Variants in DCHS2 observed in about 807,000 individuals in gnomAD.
The protein encoded by DCHS2 is protocadherin-23.
DCHS2 carries 142 observed loss-of-function variants against 182.4 expected under a neutral mutation model. The observed-to-expected ratio is 0.78, with a 90% CI of 0.68 to 0.89. The LOEUF is 0.89. Ranked by LOEUF, DCHS2 falls within the 40% of genes least tolerant of loss-of-function variation. The probability of loss-of-function intolerance (pLI) is 0.00; values close to 1 mark genes in which losing one functional copy is unlikely to be tolerated. For synonymous variants in DCHS2, 1,740 were observed against 1,663.3 expected (o/e 1.05, Z -1.12); for missense variants, 4,319 against 4,198.6 (o/e 1.03, Z -0.79).
At chr4:154,381,677 C>T (rs1399185737) in intron 1 of DCHS2, among the ~76,000 whole-genome samples, 1 of 152,026 alleles carries the variant, frequency 6.6e-6, no homozygotes, top group Non-Finnish European at 1.5e-5. Context: ...AACACAATCC[C>T]ATTTACAATA....
intron 14 of DCHS2, among the ~76,000 whole-genome samples, chr4:154,263,895 T>C (rs1250936730): frequency 6.6e-6 from 1 of 151,622 alleles, no homozygotes; most frequent in Middle Eastern, 3.2e-3. Flanking sequence ...AGAAAGAGAC[T>C]ACAACTTCTA....
rs1422770065 is a variant in DCHS2, at chr4:154,491,004, C to T, written c.352G>A (p.Val118Met). 3.3e-5 allele frequency: 51 copies of T among 1,550,468 alleles called. No homozygotes were observed. The highest frequency in any genetic ancestry group is 4.2e-5 in the Non-Finnish European group (48 of 1,146,404). The change falls in exon 1 of 20, where the codon GTG becomes ATG. Residue 118 changes from valine to methionine, a missense_variant. Val to Met is a conservative substitution (Grantham distance 21). Coordinates refer to ENST00000357232, the MANE Select transcript of DCHS2 (RefSeq NM_001358235.2). Reference sequence around the variant, plus strand: ...CGGATGATGCCGGTGTCCGGGTGCACGTGGAAGTCGTCCAGCAGCGGGGAG... The same window carrying T: ...CGGATGATGCCGGTGTCCGGGTGCATGTGGAAGTCGTCCAGCAGCGGGGAG... The part of the protein sequence containing the change: ...DDSPLLDDFH[V>M]HPDTGIIRTA...
intron 1 of DCHS2, among the ~76,000 whole-genome samples, chr4:154,477,746 A>C (rs1735746209): frequency 6.6e-6 from 1 of 152,208 alleles, no homozygotes; most frequent in African/African-American, 2.4e-5. Context: ...TAGCAAAATA[A>C]ATTTCCACTT....
chr4:154,402,622 G>C (rs1184117096), intron 1 of DCHS2, among the ~76,000 whole-genome samples: 1 of 152,208 alleles, frequency 6.6e-6, no homozygotes, highest in Non-Finnish European at 1.5e-5. Context: ...GGTGAATGAG[G>C]AGCAAAGTCC....
At chr4:154,450,147 G>A (rs1579094151) in intron 1 of DCHS2, among the ~76,000 whole-genome samples, 1 of 152,334 alleles carries the variant, frequency 6.6e-6, no homozygotes, top group East Asian at 1.9e-4. Context: ...AGGTTGCTGA[G>A]AATCCAAAGA....
At chr4:154,335,837 A>G (rs1167117772) in intron 3 of DCHS2, among the ~76,000 whole-genome samples, 1 of 152,250 alleles carries the variant, frequency 6.6e-6, no homozygotes, top group African/African-American at 2.4e-5. Context: ...TTTTAGAAGT[A>G]TATAAAGTCA....
rs1733921013 is a variant in DCHS2 at position 154,439,702 on chromosome 4, T to C, written c.2052+49602A>G. Among the ~76,000 whole-genome samples the C allele has an allele frequency of 2.0e-5, 3 of 152,344 alleles. No individual in the cohort carries two copies. In the South Asian group the frequency reaches 6.2e-4, roughly 32 times the overall value. On this transcript the variant is annotated intron_variant, in intron 1 of 19. Coordinates refer to ENST00000357232, the MANE Select transcript of DCHS2 (RefSeq NM_001358235.2). Reference sequence around the variant, plus strand: ...CCTTGTCAACAGAATTTTTTCATTTTATATAGTTAAATCTGAGCTTTACAA... The same window carrying C: ...CCTTGTCAACAGAATTTTTTCATTTCATATAGTTAAATCTGAGCTTTACAA...
intron 13 of DCHS2, among the ~76,000 whole-genome samples, chr4:154,273,888 G>C (rs1178814189): frequency 6.6e-6 from 1 of 152,110 alleles, no homozygotes; most frequent in Non-Finnish European, 1.5e-5. Flanking sequence ...AGGGAGTAAG[G>C]CTATAGGAGT....
intron 13 of DCHS2, among the ~76,000 whole-genome samples, chr4:154,270,640 C>T (rs989851116): frequency 1.3e-5 from 2 of 151,618 alleles, no homozygotes; most frequent in Non-Finnish European, 2.9e-5. Flanking sequence ...ATACTAAGTG[C>T]TGTGAGAACA....
At chr4:154,373,301 A>C (rs1225037726) in intron 2 of DCHS2, among the ~76,000 whole-genome samples, 1 of 152,212 alleles carries the variant, frequency 6.6e-6, no homozygotes, top group Admixed American at 6.5e-5. Context: ...AATATTGCAA[A>C]GAATAATTAT....
chr4:154,395,863 G>A (rs551333887), intron 1 of DCHS2, among the ~76,000 whole-genome samples: 2 of 152,268 alleles, frequency 1.3e-5, no homozygotes, highest in South Asian at 2.1e-4. Flanking sequence ...GTAAGAAGAG[G>A]GAAGAAAACA....
intron 1 of DCHS2, among the ~76,000 whole-genome samples, chr4:154,432,660 T>G (rs1239919013): frequency 6.7e-6 from 1 of 148,962 alleles, no homozygotes; most frequent in African/African-American, 2.5e-5. Context: ...AAAAAAAAGA[T>G]GAGAAAAAGA....
intron 3 of DCHS2, among the ~76,000 whole-genome samples, chr4:154,348,352 A>C (rs928948846): frequency 2.6e-5 from 4 of 152,018 alleles, no homozygotes; most frequent in Non-Finnish European, 5.9e-5. Context: ...TGGTCCTCAC[A>C]GTTGCGGGAG....
chr4:154,445,660 A>T (rs372224181), intron 1 of DCHS2, among the ~76,000 whole-genome samples: 4 of 151,990 alleles, frequency 2.6e-5, no homozygotes, highest in African/African-American at 9.7e-5. Context: ...AATAGAAAAT[A>T]ATTAGCTGGC....
chr4:154,335,183 T>C, intron 3 of DCHS2, 79 bp from the exon 4 acceptor site: 1 of 928,096 alleles, frequency 1.1e-6, no homozygotes, highest in Non-Finnish European at 1.8e-6. Flanking sequence ...CCTGGTCTAT[T>C]AAGTGTATTG....
At chr4:154,427,778 CCTCCCGTCAGAGAGACCTGGGG>C (rs1215185737) in intron 1 of DCHS2, among the ~76,000 whole-genome samples, 1 of 152,062 alleles carries the variant, frequency 6.6e-6, no homozygotes, top group Non-Finnish European at 1.5e-5. Flanking sequence ...CCTTCTACCA[CCTCCCGTCAGAGAGACCTGGGG>C]AAAAGCCCAT....
chr4:154,478,566 A>G (rs35896615), intron 1 of DCHS2, among the ~76,000 whole-genome samples: 1,528 of 152,240 alleles, frequency 0.01, 10 homozygotes, highest in Non-Finnish European at 0.018. Flanking sequence ...CACTAGAAAC[A>G]CACAGTCTTT....
At chr4:154,317,471 T>A (rs1735904981) in intron 9 of DCHS2, among the ~76,000 whole-genome samples, 1 of 152,180 alleles carries the variant, frequency 6.6e-6, no homozygotes, top group South Asian at 2.1e-4. Flanking sequence ...TTAATAAATA[T>A]TTTGATGAAA....
chr4:154,409,777 C>T, intron 1 of DCHS2, among the ~76,000 whole-genome samples: 1 of 152,082 alleles, frequency 6.6e-6, no homozygotes. Context: ...CTAAGATTAC[C>T]CATTATAGGG....
Sources: gnomAD v4.1 joint callset for allele counts (sites outside exome capture counted in the v4.1 genomes callset) on GRCh38, gnomAD v4.1.1 for gene constraint, MANE v1.5 for transcripts, NCBI Gene and HGNC (gene_info 2026-07-23, HGNC 2026-07-21) for gene names.